The following CHCHD6 variants were observed in gnomAD, a reference collection of about 807,000 sequenced individuals.
CHCHD6 encodes the protein MICOS complex subunit MIC25.
Under a neutral mutation model 32.3 loss-of-function variants are expected in CHCHD6, and 28 were observed. The ratio of observed to expected loss-of-function variants is 0.87; its 90% CI spans 0.64 to 1.19. The LOEUF (loss-of-function observed/expected upper bound fraction) is 1.19. Ranked by LOEUF, CHCHD6 falls within the 50% of genes most tolerant of loss-of-function variation. CHCHD6 has a pLI of 0.00. For synonymous variants in CHCHD6, 122 were observed against 117.5 expected (o/e 1.04, Z -0.25); for missense variants, 333 against 307.0 (o/e 1.08, Z -0.63).
chr3:126,881,797 A>G (rs1476235448), intron 5 of CHCHD6, among the ~76,000 whole-genome samples: 3 of 152,228 alleles, frequency 2.0e-5, no homozygotes, highest in African/African-American at 7.2e-5. Context: ...GAACTTTTTA[A>G]TAGATAAGTG....
intron 4 of CHCHD6, among the ~76,000 whole-genome samples, chr3:126,836,321 G>A (rs1940859643): frequency 1.3e-5 from 2 of 152,108 alleles, no homozygotes; most frequent in South Asian, 4.1e-4. Context: ...TTTTCAGCAG[G>A]GAATGAACTT....
chr3:126,731,100 A>T (rs1296216125), intron 3 of CHCHD6, among the ~76,000 whole-genome samples: 2 of 46,974 alleles, frequency 4.3e-5, no homozygotes, highest in East Asian at 5.2e-4. Flanking sequence ...CCTGTCTCTA[A>T]AAAAAAAAAA....
chr3:126,772,566 T>C (rs1937563031), intron 4 of CHCHD6, among the ~76,000 whole-genome samples: 1 of 152,202 alleles, frequency 6.6e-6, no homozygotes, highest in African/African-American at 2.4e-5. Context: ...ACTCCTGCTA[T>C]TTTTTGTTTT....
At chr3:126,789,580 CCTT>C (rs1330823398) in intron 4 of CHCHD6, among the ~76,000 whole-genome samples, 2 of 152,142 alleles carry the variant, frequency 1.3e-5, no homozygotes, top group African/African-American at 4.8e-5. Context: ...TATGTAATGG[CCTT>C]CTTTGTCTCT....
chr3:126,729,102 C>T (rs993609672), intron 2 of CHCHD6, among the ~76,000 whole-genome samples: 2 of 151,976 alleles, frequency 1.3e-5, no homozygotes, highest in African/African-American at 4.8e-5. Flanking sequence ...GATAGATTTT[C>T]TACACGTCAT....
chr3:126,797,359 T>A (rs529208628), intron 4 of CHCHD6, among the ~76,000 whole-genome samples: 2 of 152,268 alleles, frequency 1.3e-5, no homozygotes, highest in East Asian at 3.9e-4. Context: ...AACTAGACTT[T>A]CCATATTTGA....
intron 4 of CHCHD6, among the ~76,000 whole-genome samples, chr3:126,769,658 A>G (rs1937509318): frequency 6.6e-6 from 1 of 151,082 alleles, no homozygotes; most frequent in Non-Finnish European, 1.5e-5. Flanking sequence ...CTGTGCCACC[A>G]CTCCTGGCTA....
intron 3 of CHCHD6, 46 bp from the exon 4 acceptor site, chr3:126,733,032 C>T (rs766333942): frequency 5.3e-5 from 85 of 1,604,618 alleles, no homozygotes; most frequent in Non-Finnish European, 6.5e-5. Context: ...ATGGGCTGCC[C>T]GTCATGCCAT....
At chr3:126,804,583 C>A (rs1251525094) in intron 4 of CHCHD6, among the ~76,000 whole-genome samples, 1 of 152,150 alleles carries the variant, frequency 6.6e-6, no homozygotes, top group Non-Finnish European at 1.5e-5. Flanking sequence ...AGCTTACCAA[C>A]CAAAAAGAGT....
intron 5 of CHCHD6, among the ~76,000 whole-genome samples, chr3:126,897,331 G>T (rs1266466661): frequency 6.6e-6 from 1 of 152,180 alleles, no homozygotes; most frequent in East Asian, 1.9e-4. Context: ...AATAGATAAC[G>T]ACTCTGAAAG....
At chr3:126,856,300 GT>G (rs1311226285) in intron 5 of CHCHD6, among the ~76,000 whole-genome samples, 2 of 152,302 alleles carry the variant, frequency 1.3e-5, no homozygotes, top group African/African-American at 4.8e-5. Context: ...GTACAGCTGT[GT>G]TCCATGGATT....
chr3:126,845,495 TGTC>T lies in CHCHD6; in HGVS notation c.412-7148_412-7146del, dbSNP rs1209440083. ...TCAGATTTGTTGTCTCAGACTTAGT[TGTC>T]GTCAATCAACTCCAGAGAATTCTTG... On this transcript the variant is annotated intron_variant, in intron 4 of 7. Transcript: ENST00000290913. Among the ~76,000 whole-genome samples the T allele has an allele frequency of 2.0e-5, 3 of 152,230 alleles. No individual in the cohort carries two copies. The South Asian group carries it at 6.2e-4, about 31-fold the overall frequency.
intron 1 of CHCHD6, among the ~76,000 whole-genome samples, chr3:126,720,011 G>C (rs959284855): frequency 1.3e-5 from 2 of 152,116 alleles, no homozygotes; most frequent in African/African-American, 4.8e-5. Context: ...CTCTTGAGTA[G>C]CTGGGATTAC....
intron 6 of CHCHD6, among the ~76,000 whole-genome samples, chr3:126,956,023 C>A (rs2078778821): frequency 6.6e-6 from 1 of 152,208 alleles, no homozygotes; most frequent in Admixed American, 6.5e-5. Context: ...AATATGGGGT[C>A]CTGTTCCCAA....
At chr3:126,766,392 G>C (rs898363539) in intron 4 of CHCHD6, 4 of 527,252 alleles carry the variant, frequency 7.6e-6, no homozygotes, top group Non-Finnish European at 1.4e-5. Context: ...GGAAGTGACA[G>C]CTGCCACGAG....
intron 4 of CHCHD6, among the ~76,000 whole-genome samples, chr3:126,785,610 T>A (rs1301589032): frequency 6.6e-6 from 1 of 152,222 alleles, no homozygotes; most frequent in African/African-American, 2.4e-5. Flanking sequence ...TTACATAATA[T>A]AAAATTAACC....
chr3:126,858,476 G>T (rs770135978), intron 5 of CHCHD6, among the ~76,000 whole-genome samples: 10 of 152,172 alleles, frequency 6.6e-5, no homozygotes, highest in Non-Finnish European at 1.5e-4. Context: ...GTGCCCCATG[G>T]CCTCTGCTGC....
chr3:126,867,322 A>C (rs961590800), intron 5 of CHCHD6, among the ~76,000 whole-genome samples: 1 of 152,052 alleles, frequency 6.6e-6, no homozygotes, highest in Admixed American at 6.5e-5. Context: ...CCTCATCTCA[A>C]AGTGATTCCT....
At chr3:126,725,152 G>A (rs1489843739) in intron 1 of CHCHD6, among the ~76,000 whole-genome samples, 1 of 152,198 alleles carries the variant, frequency 6.6e-6, no homozygotes, top group Non-Finnish European at 1.5e-5. Context: ...CATCAGAGGA[G>A]TCACTATGTA....
Sources: gnomAD v4.1 joint callset for allele counts (sites outside exome capture counted in the v4.1 genomes callset) on GRCh38, gnomAD v4.1.1 for gene constraint, MANE v1.5 for transcripts, NCBI Gene and HGNC (gene_info 2026-07-23, HGNC 2026-07-21) for gene names.